Variants in PCDHGB5 observed in about 807,000 individuals in gnomAD.
PCDHGB5 encodes the protein protocadherin gamma subfamily B, 5, also known as protocadherin gamma-B5.
In PCDHGB5, 48 loss-of-function variants were observed where a neutral mutation model predicts 62.9. That is an observed-to-expected ratio of 0.76 (90% CI 0.61 to 0.97). The LOEUF is 0.97. Ranked by LOEUF, PCDHGB5 falls within the 50% of genes least tolerant of loss-of-function variation. The pLI is 0.00. For synonymous variants in PCDHGB5, 474 were observed against 511.2 expected, an observed-to-expected ratio of 0.93 and a Z score of 0.98; for missense variants, 1,118 against 1,198.6, an observed-to-expected ratio of 0.93 and a Z score of 0.99.
intron 1 of PCDHGB5, chr5:141,414,584 C>G (rs1359132446): frequency 3.1e-6 from 5 of 1,613,956 alleles, no homozygotes; most frequent in Non-Finnish European, 4.2e-6. Context: ...GAGAACAACG[C>G]CAGGGGTGCC....
rs776773140 is a variant in PCDHGB5, at chr5:141,476,589, G to A, written c.2398-18218G>A. 5 of 1,614,246 alleles carry A rather than the reference G, an allele frequency of 3.1e-6. No individual in the cohort carries two copies. Among genetic ancestry groups the A allele is most frequent in the Non-Finnish European group, 4.2e-6 (5 of 1,180,046 alleles). On this transcript the variant is annotated intron_variant, in intron 1 of 3. Coordinates refer to ENST00000617380, the MANE Select transcript of PCDHGB5 (RefSeq NM_018925.3). This position sits in a 1 kb window ranked among gnomAD's most constrained non-coding sequence, Gnocchi z 7.6. ...CCGGGGACGCGCTTTCCGCTCGAGA[G>A]CGCGCACGATCCCGATGTGGGAAGC...
At chr5:141,454,428 CAG>C (rs1412897540) in intron 1 of PCDHGB5, among the ~76,000 whole-genome samples, 1 of 152,172 alleles carries the variant, frequency 6.6e-6, no homozygotes, top group Admixed American at 6.5e-5. Flanking sequence ...TATTTAGAGA[CAG>C]AGTTTCACTC....
chr5:141,410,560 A>G (rs769354927), intron 1 of PCDHGB5: 3 of 1,612,824 alleles, frequency 1.9e-6, no homozygotes, highest in African/African-American at 1.3e-5. Flanking sequence ...TTTCTCCTGG[A>G]GCCTTAATTC....
chr5:141,431,375 G>C lies in PCDHGB5; in HGVS notation c.2397+30851G>C. ...ACGCGCCCTGGACCGCGAAGAAAAG[G>C]CTGCTCACCACCTGGTCCTTACGGC... On this transcript the variant is annotated intron_variant, in intron 1 of 3. Transcript: ENST00000617380. This position sits in a 1 kb window ranked among gnomAD's most constrained non-coding sequence, Gnocchi z 4.8. 6.2e-7 allele frequency: 1 copy of C among 1,613,422 alleles called. No individual in the cohort carries two copies. The highest frequency in any genetic ancestry group is 8.5e-7 in the Non-Finnish European group (1 of 1,179,570).
chr5:141,504,510 C>T (rs2099838864), intron 2 of PCDHGB5, among the ~76,000 whole-genome samples: 1 of 151,952 alleles, frequency 6.6e-6, no homozygotes, highest in Non-Finnish European at 1.5e-5. Context: ...GAGTGGATCT[C>T]CTCTGATATA....
intron 1 of PCDHGB5, chr5:141,419,308 C>G: frequency 6.2e-7 from 1 of 1,614,026 alleles, no homozygotes; most frequent in Non-Finnish European, 8.5e-7. Flanking sequence ...ACTTCGGGCT[C>G]AACGGCCGTG....
intron 1 of PCDHGB5, among the ~76,000 whole-genome samples, chr5:141,436,557 A>G (rs1224841336): frequency 6.6e-6 from 1 of 152,218 alleles, no homozygotes; most frequent in Non-Finnish European, 1.5e-5. Flanking sequence ...GAGCTTCAGC[A>G]AAGTAGGAAT....
At chr5:141,404,816 C>A in intron 1 of PCDHGB5, 1 of 1,610,374 alleles carries the variant, frequency 6.2e-7, no homozygotes, top group Non-Finnish European at 8.5e-7. Flanking sequence ...GGTGGGGCTG[C>A]ACACAGGTGA....
At chr5:141,461,963 C>T (rs1396490046) in intron 1 of PCDHGB5, among the ~76,000 whole-genome samples, 1 of 152,084 alleles carries the variant, frequency 6.6e-6, no homozygotes, top group Non-Finnish European at 1.5e-5. Flanking sequence ...AGCTGGGATT[C>T]CAGGCATATG....
intron 1 of PCDHGB5, chr5:141,478,456 T>A (rs371773090): frequency 3.1e-6 from 5 of 1,613,366 alleles, no homozygotes; most frequent in African/African-American, 2.7e-5. Context: ...GTGCAGCCAG[T>A]CCACTGGCCA....
rs147783721 is a variant in PCDHGB5 at position 141,404,989 on chromosome 5, G to A, written c.2397+4465G>A. 5 of 1,614,046 alleles carry A rather than the reference G, an allele frequency of 3.1e-6. No homozygotes were observed. The South Asian group carries it at 4.4e-5, about 14-fold the overall frequency. On this transcript the variant is annotated intron_variant, in intron 1 of 3. Coordinates refer to ENST00000617380, the MANE Select transcript of PCDHGB5 (RefSeq NM_018925.3). The stretch of plus-strand genomic sequence containing the variant: ...TCCTGGCTGACCTGGGCAGTCTTCA[G>A]ATCCCTGCAGACCTGGAGGCCTCAG...
chr5:141,480,336 G>A (rs755963190), intron 1 of PCDHGB5, among the ~76,000 whole-genome samples: 1 of 151,988 alleles, frequency 6.6e-6, no homozygotes, highest in Non-Finnish European at 1.5e-5. Flanking sequence ...AATTGCTTGA[G>A]CCTGGGAGGT....
At chr5:141,420,887 G>C (rs2096530920) in intron 1 of PCDHGB5, among the ~76,000 whole-genome samples, 1 of 152,204 alleles carries the variant, frequency 6.6e-6, no homozygotes, top group African/African-American at 2.4e-5. Context: ...GTGTATCATC[G>C]TTTTTAAGCT....
At chr5:141,499,686 T>C (rs1400567357) in intron 2 of PCDHGB5, among the ~76,000 whole-genome samples, 2 of 149,346 alleles carry the variant, frequency 1.3e-5, no homozygotes, top group East Asian at 2.0e-4. Context: ...CTTTAACAGA[T>C]GACTTTTTTT....
intron 1 of PCDHGB5, chr5:141,422,081 T>C: frequency 2.5e-6 from 4 of 1,612,346 alleles, no homozygotes; most frequent in Non-Finnish European, 3.4e-6. Context: ...TTTCGGAACA[T>C]GGAAAGCAAG....
chr5:141,511,002 C>T lies in PCDHGB5; in HGVS notation c.2601C>T (p.Ser867=), dbSNP rs143630962. 77 of 1,614,140 alleles carry T rather than the reference C, an allele frequency of 4.8e-5. No individual in the cohort carries two copies. Among genetic ancestry groups the T allele is most frequent in the South Asian group, 2.1e-4 (19 of 91,080 alleles). ...GGGGTGCCGGCACCATGGGATTGAG[C>T]GCCCGCTACGGACCCCAGTTCACCC... The part of the protein sequence containing the change: ...LGGGAGTMGL[S]ARYGPQFTLQ... Residue 867 remains serine (S), a synonymous_variant, in exon 4 of 4, where the codon AGC becomes AGT. Coordinates refer to ENST00000617380, the MANE Select transcript of PCDHGB5 (RefSeq NM_018925.3).
chr5:141,415,507 A>G, intron 1 of PCDHGB5: 1 of 1,614,156 alleles, frequency 6.2e-7, no homozygotes, highest in Admixed American at 1.7e-5. Context: ...CCCCCAGCCC[A>G]ATTATGCGGA....
At chr5:141,502,697 T>C (rs893610041) in intron 2 of PCDHGB5, among the ~76,000 whole-genome samples, 13 of 152,208 alleles carry the variant, frequency 8.5e-5, no homozygotes, top group African/African-American at 3.1e-4. Context: ...CTTGCCTGTA[T>C]CTGTTTTTAC....
At chr5:141,404,354 G>C in intron 1 of PCDHGB5, 1 of 1,613,916 alleles carries the variant, frequency 6.2e-7, no homozygotes. Context: ...CAACGCCAGA[G>C]GTACTTCCAT....
Sources: gnomAD v4.1 joint callset for allele counts (sites outside exome capture counted in the v4.1 genomes callset) on GRCh38, gnomAD v4.1.1 for gene constraint, Gnocchi (gnomAD v3.1) non-coding constraint, MANE v1.5 for transcripts, NCBI Gene and HGNC (gene_info 2026-07-23, HGNC 2026-07-21) for gene names.